The following TSPAN32 variants were observed in gnomAD, a reference collection of about 807,000 sequenced individuals.
The protein encoded by TSPAN32 is tetraspanin 32.
Under a neutral mutation model 42.7 loss-of-function variants are expected in TSPAN32, and 47 were observed. The observed-to-expected ratio is 1.10, with a 90% confidence interval of 0.87 to 1.40. The LOEUF (loss-of-function observed/expected upper bound fraction) is 1.40. Among genes scored for constraint, TSPAN32 ranks in the 40% most tolerant of loss-of-function variants. The probability of loss-of-function intolerance (pLI) is 0.00; values close to 1 mark genes in which losing one functional copy is unlikely to be tolerated. For synonymous variants in TSPAN32, 175 were observed against 175.9 expected (o/e 0.99, Z 0.04); for missense variants, 469 against 424.1 (o/e 1.11, Z -0.93).
chr11:2,309,407 G>A, intron 4 of TSPAN32: 1 of 465,338 alleles, frequency 2.1e-6, no homozygotes, highest in Non-Finnish European at 4.4e-6. Flanking sequence ...GCGTCCCCGT[G>A]GAAAGGCCAG....
chr11:2,316,975 C>T (rs1848835706), intron 8 of TSPAN32, among the ~76,000 whole-genome samples: 1 of 152,188 alleles, frequency 6.6e-6, no homozygotes, highest in South Asian at 2.1e-4. Context: ...GATCTCTGTG[C>T]TTGAATACCC....
chr11:2,315,198 C>A, intron 6 of TSPAN32: 1 of 1,129,122 alleles, frequency 8.9e-7, no homozygotes, highest in Non-Finnish European at 1.1e-6. Flanking sequence ...CTCCCCTCCC[C>A]GCTCCCCTCC....
chr11:2,312,043 C>A (rs568312274), intron 4 of TSPAN32, among the ~76,000 whole-genome samples: 1 of 148,150 alleles, frequency 6.7e-6, no homozygotes, highest in Non-Finnish European at 1.5e-5. Context: ...GCAGGGCAGG[C>A]AGGGCAGGCA....
At position 2,314,610 on chromosome 11, in the gene TSPAN32, C is replaced by T. The variant is rs2234305; in HGVS notation, c.543+39C>T. The T allele has an allele frequency of 1.5e-3, 2,327 of 1,539,034 alleles. 31 individuals carry two copies. In the African/African-American group the frequency reaches 0.028, roughly 19 times the overall value. The stretch of plus-strand genomic sequence containing the variant: ...CTGGATGCTGGCCAGGCAAGACCCT[C>T]GGGGGCTGGACACCCTGGGGCCCAA... On this transcript the variant is annotated intron_variant, in intron 6 of 9. Coordinates refer to ENST00000182290, the MANE Select transcript of TSPAN32 (RefSeq NM_139022.3).
chr11:2,313,691 A>G lies in TSPAN32; in HGVS notation c.392A>G (p.Tyr131Cys). Residue 131 changes from tyrosine (Y) to cysteine (C), a missense_variant, in exon 5 of 10, where the codon TAT becomes TGT. Coordinates refer to ENST00000182290, the MANE Select transcript of TSPAN32 (RefSeq NM_139022.3). The surrounding 1 kb of genome is among the most constrained non-coding windows in gnomAD (Gnocchi z 9.1). ...DAMLDTYDLVYEQAMKGTSHV... is the reference protein window; with the variant it reads ...DAMLDTYDLVCEQAMKGTSHV... ...ATGCTGGACACCTACGACCTGGTAT[A>G]TGAGCAGGCGATGAAAGGTACGTCC... 1 of 1,609,258 alleles carries G rather than the reference A, an allele frequency of 6.2e-7. No homozygotes were observed. Among genetic ancestry groups the G allele is most frequent in the Admixed American group, 1.7e-5 (1 of 59,640 alleles).
chr11:2,311,687 C>T (rs975495139), intron 4 of TSPAN32, among the ~76,000 whole-genome samples: 1 of 152,178 alleles, frequency 6.6e-6, no homozygotes, highest in Non-Finnish European at 1.5e-5. Flanking sequence ...AGGATGGGGT[C>T]GCCAAGCCCA....
chr11:2,308,927 C>T (rs569022041), intron 4 of TSPAN32, 117 bp downstream of exon 4: 34 of 728,432 alleles, frequency 4.7e-5, no homozygotes, highest in East Asian at 4.2e-4. Flanking sequence ...TTGTGCTGAC[C>T]GGGTGGGGTG....
At chr11:2,316,066 T>C (rs770734548) in intron 6 of TSPAN32, 163 bp from the exon 7 acceptor site, 9 of 1,534,022 alleles carry the variant, frequency 5.9e-6, no homozygotes, top group Admixed American at 3.9e-5. Flanking sequence ...GTGCTGCCTT[T>C]CCCTAGAGCC....
chr11:2,314,405 G>A, intron 5 of TSPAN32, 80 bp from the exon 6 acceptor site: 2 of 1,129,976 alleles, frequency 1.8e-6, no homozygotes, highest in Non-Finnish European at 2.6e-6. Flanking sequence ...TACTTGTGGT[G>A]CCTCAGTTTC....
intron 4 of TSPAN32, among the ~76,000 whole-genome samples, chr11:2,311,178 A>ATG (rs1848436441): frequency 6.6e-6 from 1 of 152,096 alleles, no homozygotes; most frequent in African/African-American, 2.4e-5. Flanking sequence ...CAGAGGACAG[A>ATG]GGAGGGAAGG....
At position 2,309,482 on chromosome 11, in the gene TSPAN32, C is replaced by T. The variant is rs937003188; in HGVS notation, c.354+672C>T. The T allele has an allele frequency of 7.4e-6, 3 of 406,930 alleles. No homozygotes were observed. In the Admixed American group the frequency reaches 7.6e-5, roughly 10 times the overall value. The allele number at this position is 406,930 out of a possible 1,614,324, so 25.2% of individuals were successfully genotyped here. On this transcript the variant is annotated intron_variant, in intron 4 of 9. Transcript: ENST00000182290. ...AATGAGAGCTCGGTAGCAGAGCCAGCCCCACCTTCCCCTTGAGAGCCAGAC... is the reference window on the plus strand; with the variant it reads ...AATGAGAGCTCGGTAGCAGAGCCAGTCCCACCTTCCCCTTGAGAGCCAGAC...
In TSPAN32 at chr11:2,317,791, T is replaced by C; in HGVS notation, c.902-72T>C. 1 of 1,588,498 alleles carries C rather than the reference T, an allele frequency of 6.3e-7. No homozygotes were observed. The highest frequency in any genetic ancestry group is 8.5e-7 in the Non-Finnish European group (1 of 1,171,906). On this transcript the variant is annotated intron_variant, in intron 9 of 9. Coordinates refer to ENST00000182290, the MANE Select transcript of TSPAN32 (RefSeq NM_139022.3). This position sits in a 1 kb window ranked among gnomAD's most constrained non-coding sequence, Gnocchi z 6.2. ...GGCTCCACCCAGACACAAGCTGCAC[T>C]GGTTTTCTATGCTGCGTAAGAAGCA...
At chr11:2,310,452 A>G (rs1848398551) in intron 4 of TSPAN32, among the ~76,000 whole-genome samples, 1 of 152,142 alleles carries the variant, frequency 6.6e-6, no homozygotes, top group South Asian at 2.1e-4. Context: ...GCTGCCCTTC[A>G]GGGGTCAGTT....
rs1336227987 is a variant in TSPAN32 at position 2,304,013 on chromosome 11, C to T, written c.182-94C>T. On this transcript the variant is annotated intron_variant, in intron 2 of 9. Coordinates refer to ENST00000182290, the MANE Select transcript of TSPAN32 (RefSeq NM_139022.3). The surrounding 1 kb of genome is among the most constrained non-coding windows in gnomAD (Gnocchi z 4.8). ...GAGCCCCCCAGGAGTCCCTCACGGC[C>T]CCTGACTCCCAAGTTAGATTTCACA... 5.3e-6 allele frequency: 5 copies of T among 948,352 alleles called. No individual in the cohort carries two copies. The East Asian group carries it at 1.3e-4, about 25-fold the overall frequency. The allele number at this position is 948,352 out of a possible 1,614,324, so 58.7% of individuals were successfully genotyped here. A position where few individuals can be genotyped will look rare whatever the true frequency, so the allele number is the denominator to read the frequency against.
At chr11:2,312,629 C>T (rs1402904433) in intron 4 of TSPAN32, among the ~76,000 whole-genome samples, 2 of 152,206 alleles carry the variant, frequency 1.3e-5, no homozygotes, top group African/African-American at 4.8e-5. Flanking sequence ...CCCAGTTGGC[C>T]GCTGTCAGGG....
At chr11:2,316,409 C>T (rs1189586375) in intron 7 of TSPAN32, 97 bp downstream of exon 7, 2 of 1,544,362 alleles carry the variant, frequency 1.3e-6, no homozygotes, top group South Asian at 2.4e-5. Context: ...GACAGGATCT[C>T]TGGTCTTGAG....
rs1475558305 is a variant in TSPAN32 at position 2,313,038 on chromosome 11, C to T, written c.355-616C>T. 2.0e-5 allele frequency among the ~76,000 whole-genome samples: 3 copies of T among 152,096 alleles called. No homozygotes were observed. The highest frequency in any genetic ancestry group is 4.4e-5 in the Non-Finnish European group (3 of 67,996). ...GTCCAGGTGTTGGTGAGGTGTGGAGCGCAGGCAGCACATCCAGCCAGGCCC... is the reference window on the plus strand; with the variant it reads ...GTCCAGGTGTTGGTGAGGTGTGGAGTGCAGGCAGCACATCCAGCCAGGCCC... On this transcript the variant is annotated intron_variant, in intron 4 of 9. Coordinates refer to ENST00000182290, the MANE Select transcript of TSPAN32 (RefSeq NM_139022.3). The surrounding 1 kb of genome is among the most constrained non-coding windows in gnomAD (Gnocchi z 9.1).
chr11:2,308,425 G>A (rs1245369613), intron 3 of TSPAN32, among the ~76,000 whole-genome samples: 5 of 68,530 alleles, frequency 7.3e-5, no homozygotes, highest in Non-Finnish European at 1.4e-4. Flanking sequence ...ACAGTGACCG[G>A]CCCCCCGCAG....
intron 1 of TSPAN32, 56 bp from the exon 2 acceptor site, chr11:2,302,788 C>A: frequency 6.8e-7 from 1 of 1,480,408 alleles, no homozygotes; most frequent in Non-Finnish European, 9.4e-7. Context: ...TGGGGCCGAG[C>A]TCCCTGCTCC....
Sources: gnomAD v4.1 joint callset for allele counts (sites outside exome capture counted in the v4.1 genomes callset) on GRCh38, gnomAD v4.1.1 for gene constraint, Gnocchi (gnomAD v3.1) non-coding constraint, MANE v1.5 for transcripts, NCBI Gene and HGNC (gene_info 2026-07-23, HGNC 2026-07-21) for gene names.